Variants in FNDC3B observed in about 807,000 individuals in gnomAD.
FNDC3B encodes the protein fibronectin type III domain-containing protein 3B.
Under a neutral mutation model 151.5 loss-of-function variants are expected in FNDC3B, and 12 were observed. The observed-to-expected ratio is 0.08, with a 90% CI of 0.05 to 0.13. FNDC3B has a LOEUF of 0.13. FNDC3B is among the 10% of genes least tolerant of loss of function. FNDC3B has a pLI of 1.00. For synonymous variants in FNDC3B, 528 were observed against 549.0 expected, an observed-to-expected ratio of 0.96 and a Z score of 0.54; for missense variants, 1,214 against 1,505.3, an observed-to-expected ratio of 0.81 and a Z score of 3.20.
intron 16 of FNDC3B, among the ~76,000 whole-genome samples, chr3:172,339,447 C>T (rs1733170757): frequency 6.6e-6 from 1 of 152,042 alleles, no homozygotes; most frequent in Admixed American, 6.6e-5. Flanking sequence ...CCTGTAATTC[C>T]AGCTACTTGA....
intron 3 of FNDC3B, among the ~76,000 whole-genome samples, chr3:172,218,965 A>G (rs975341707): frequency 2.0e-5 from 3 of 152,222 alleles, no homozygotes; most frequent in African/African-American, 7.2e-5. Flanking sequence ...TTAAGGAACA[A>G]GAGATCTTGC....
At chr3:172,213,341 G>A (rs980148155) in intron 3 of FNDC3B, among the ~76,000 whole-genome samples, 27 of 152,216 alleles carry the variant, frequency 1.8e-4, no homozygotes, top group African/African-American at 6.0e-4. Flanking sequence ...GTGAGCATAC[G>A]CACATGGGAA....
At chr3:172,155,015 C>G (rs923629574) in intron 3 of FNDC3B, among the ~76,000 whole-genome samples, 5 of 151,800 alleles carry the variant, frequency 3.3e-5, no homozygotes, top group Admixed American at 6.6e-5. Flanking sequence ...TGTGAGGTCA[C>G]TGGGGGGCGG....
At chr3:172,259,092 A>T (rs1477148909) in intron 6 of FNDC3B, among the ~76,000 whole-genome samples, 2 of 152,026 alleles carry the variant, frequency 1.3e-5, no homozygotes, top group Non-Finnish European at 2.9e-5. Flanking sequence ...GTGTTTTTTC[A>T]CCTGTCTATA....
At chr3:172,263,567 A>C in intron 6 of FNDC3B, among the ~76,000 whole-genome samples, 1 of 146,334 alleles carries the variant, frequency 6.8e-6, no homozygotes, top group South Asian at 2.2e-4. Context: ...TGGGTGCCTT[A>C]ATTATTCAGC....
At chr3:172,193,771 C>T (rs1195295601) in intron 3 of FNDC3B, among the ~76,000 whole-genome samples, 1 of 152,056 alleles carries the variant, frequency 6.6e-6, no homozygotes, top group African/African-American at 2.4e-5. Context: ...ACATCACAGA[C>T]TATACTAGTT....
intron 4 of FNDC3B, among the ~76,000 whole-genome samples, chr3:172,242,837 C>T (rs1254706758): frequency 1.3e-5 from 2 of 152,172 alleles, no homozygotes; most frequent in Non-Finnish European, 2.9e-5. Flanking sequence ...ATGGGATTTT[C>T]TTTTCTATTA....
chr3:172,285,298 C>G (rs59997076), intron 6 of FNDC3B, among the ~76,000 whole-genome samples: 5,694 of 152,228 alleles, frequency 0.037, 388 homozygotes, highest in African/African-American at 0.13. Flanking sequence ...TTTCCTTTGC[C>G]TGGGCCACTG....
At chr3:172,274,002 C>T (rs1428120510) in intron 6 of FNDC3B, among the ~76,000 whole-genome samples, 4 of 152,214 alleles carry the variant, frequency 2.6e-5, no homozygotes, top group East Asian at 1.9e-4. Flanking sequence ...AATACTGTAA[C>T]ATGTCTTTTG....
At chr3:172,068,522 C>A (rs140597485) in intron 1 of FNDC3B, among the ~76,000 whole-genome samples, 1 of 147,704 alleles carries the variant, frequency 6.8e-6, no homozygotes, top group South Asian at 2.2e-4. Context: ...CACCCGGGTT[C>A]AAGCAATTCT....
chr3:172,352,933 C>T lies in FNDC3B; in HGVS notation c.2645C>T (p.Pro882Leu). ...CCCCTTGATGCCTACCCTGATTCAC[C>T]TTCTGCGTGCCTTGTACTGAACTGG... The part of the protein sequence containing the change: ...EEPLDAYPDS[P>L]SACLVLNWEE... Residue 882 changes from proline (P) to leucine (L), a missense_variant, in exon 22 of 26, where the codon CCT becomes CTT. Physicochemically the swap from Pro to Leu is moderately conservative, Grantham distance 98 (BLOSUM62 -3). This residue lies in a region of FNDC3B where 380 missense variants were observed against 420.9 expected (regional missense o/e 0.90). Coordinates refer to ENST00000415807, the MANE Select transcript of FNDC3B (RefSeq NM_022763.4). This position sits in a 1 kb window ranked among gnomAD's most constrained non-coding sequence, Gnocchi z 4.2. 2 of 1,614,230 alleles carry T rather than the reference C, an allele frequency of 1.2e-6. No homozygotes were observed. The highest frequency in any genetic ancestry group is 1.1e-5 in the South Asian group (1 of 91,088).
intron 3 of FNDC3B, among the ~76,000 whole-genome samples, chr3:172,194,480 T>C (rs936203961): frequency 4.8e-4 from 73 of 152,232 alleles, no homozygotes; most frequent in African/African-American, 1.5e-3. Flanking sequence ...CCAAAGTTAT[T>C]GTTTTCTGCG....
At chr3:172,149,973 C>T (rs1025102088) in intron 3 of FNDC3B, among the ~76,000 whole-genome samples, 44 of 151,772 alleles carry the variant, frequency 2.9e-4, no homozygotes, top group African/African-American at 1.0e-3. Context: ...TGCCCGTCAC[C>T]GTGCCCAGCT....
chr3:172,386,220 TGACTTC>T (rs1431414054), intron 25 of FNDC3B, among the ~76,000 whole-genome samples: 1 of 152,240 alleles, frequency 6.6e-6, no homozygotes, highest in Admixed American at 6.5e-5. Flanking sequence ...TATATGCATG[TGACTTC>T]TTATTTTGTA....
intron 8 of FNDC3B, 44 bp downstream of exon 8, chr3:172,295,558 A>C: frequency 6.3e-7 from 1 of 1,575,504 alleles, no homozygotes; most frequent in Non-Finnish European, 8.6e-7. Flanking sequence ...TAAACTGTAA[A>C]ATTGGAGTTG....
rs1203409142 is a variant in FNDC3B at position 172,251,375 on chromosome 3, C to G, written c.624C>G (p.Ser208Arg). Residue 208 changes from serine to arginine, a missense_variant, in exon 6 of 26, where the codon AGC (serine) becomes AGG (arginine). By Grantham distance (110) the Ser-to-Arg change is moderately radical. Around this residue, in one of 7 missense-constraint regions of FNDC3B, gnomAD observed 166 missense variants for 173.2 expected, o/e 0.96. Coordinates refer to ENST00000415807, the MANE Select transcript of FNDC3B (RefSeq NM_022763.4). ...RQIDRQNRLN[S>R]PPSSIYKSSC... is the part of the protein sequence containing the mutation. ...TCGATCGCCAGAACCGCCTCAACAG[C>G]CCTCCTTCTTCTATCTACAAAAGCA... is the stretch of plus-strand genomic sequence containing the variant. The G allele has an allele frequency of 6.2e-7, 1 of 1,614,076 alleles. No homozygotes were observed. Among genetic ancestry groups the G allele is most frequent in the East Asian group, 2.2e-5 (1 of 44,870 alleles).
At chr3:172,277,805 A>T (rs1265225847) in intron 6 of FNDC3B, among the ~76,000 whole-genome samples, 2 of 152,040 alleles carry the variant, frequency 1.3e-5, no homozygotes, top group African/African-American at 2.4e-5. Flanking sequence ...TCCATTTTCC[A>T]TAGTCCTTAC....
In FNDC3B at chr3:172,347,474, A is replaced by G. The variant is rs1576934379; in HGVS notation, c.2514+113A>G. The G allele has an allele frequency of 2.0e-5, 14 of 684,252 alleles. No homozygotes were observed. In the East Asian group the frequency reaches 4.2e-4, roughly 21 times the overall value. The allele number at this position is 684,252 out of a possible 1,614,324, so 42.4% of individuals were successfully genotyped here. On this transcript the variant is annotated intron_variant, in intron 21 of 25. Transcript: ENST00000415807. Reference sequence around the variant, plus strand: ...AGGCTGTCAGGAGGGATGATATGGAAAAAAAGAGTCCATTTAAATAAAAAT... The same window carrying G: ...AGGCTGTCAGGAGGGATGATATGGAGAAAAAGAGTCCATTTAAATAAAAAT...
chr3:172,344,456 CT>C (rs1355487706), intron 19 of FNDC3B, among the ~76,000 whole-genome samples, 198 bp downstream of exon 19: 3 of 152,158 alleles, frequency 2.0e-5, no homozygotes. Flanking sequence ...TAGAAGTTTT[CT>C]GTTTCTTTTG....
Sources: gnomAD v4.1 joint callset for allele counts (sites outside exome capture counted in the v4.1 genomes callset) on GRCh38, gnomAD v4.1.1 for gene constraint, gnomAD v4.1.1 regional missense constraint, Gnocchi (gnomAD v3.1) non-coding constraint, MANE v1.5 for transcripts, NCBI Gene and HGNC (gene_info 2026-07-23, HGNC 2026-07-21) for gene names.